Variants in C6 observed in about 807,000 individuals in gnomAD.
C6 encodes complement component C6.
A neutral mutation model predicts 112.9 loss-of-function variants in C6; 101 were observed. The ratio of observed to expected loss-of-function variants is 0.89; its 90% CI spans 0.76 to 1.06. C6 has a LOEUF of 1.06. Among genes scored for constraint, C6 ranks in the 50% least tolerant of loss-of-function variants. The probability of loss-of-function intolerance (pLI) is 0.00; values close to 1 mark genes in which losing one functional copy is unlikely to be tolerated. For synonymous variants in C6, 431 were observed against 384.1 expected, an observed-to-expected ratio of 1.12 and a Z score of -1.43; for missense variants, 1,202 against 1,104.6, an observed-to-expected ratio of 1.09 and a Z score of -1.25.
At chr5:41,205,941 G>A (rs946277875) in intron 1 of C6, among the ~76,000 whole-genome samples, 1 of 152,172 alleles carries the variant, frequency 6.6e-6, no homozygotes, top group Non-Finnish European at 1.5e-5. Context: ...CCTGACCCCC[G>A]AGTAGCCTAA....
intron 9 of C6, among the ~76,000 whole-genome samples, chr5:41,167,287 C>T (rs1044965580): frequency 6.6e-6 from 1 of 151,990 alleles, no homozygotes; most frequent in African/African-American, 2.4e-5. Flanking sequence ...TTCTTGAGTC[C>T]TTAATGCTTG....
chr5:41,244,636 C>A (rs1028465290), intron 1 of C6, among the ~76,000 whole-genome samples: 1 of 152,174 alleles, frequency 6.6e-6, no homozygotes, highest in African/African-American at 2.4e-5. Flanking sequence ...AACTGTCAAC[C>A]ACTGTCCCCC....
At chr5:41,174,675 T>G (rs1748696265) in intron 8 of C6, among the ~76,000 whole-genome samples, 1 of 152,242 alleles carries the variant, frequency 6.6e-6, no homozygotes, top group South Asian at 2.1e-4. Flanking sequence ...GGCAATTTAA[T>G]TTTGTTTTCT....
In C6 at chr5:41,172,532, C is replaced by T. The variant is rs188830748; in HGVS notation, c.1169-185G>A. ...CTATAGATTCAATCCTGCATGGGCC[C>T]AGAGATGATCCTGAACAGGAGTCCC... On this transcript the variant is annotated intron_variant, in intron 8 of 17. Transcript: ENST00000337836. 4.2e-5 allele frequency: 27 copies of T among 645,808 alleles called. No homozygotes were observed. The African/African-American group carries it at 4.7e-4, about 11-fold the overall frequency. 40.0% of individuals were successfully genotyped at this position (645,808 alleles called of 1,614,324 possible).
chr5:41,151,080 A>G (rs1293552571), intron 15 of C6, among the ~76,000 whole-genome samples: 1 of 152,128 alleles, frequency 6.6e-6, no homozygotes, highest in Non-Finnish European at 1.5e-5. Flanking sequence ...AGTCTCTGAT[A>G]GGTTTTAAGC....
intron 1 of C6, among the ~76,000 whole-genome samples, chr5:41,223,240 GA>G (rs1739288328): frequency 6.6e-6 from 1 of 152,104 alleles, no homozygotes; most frequent in Non-Finnish European, 1.5e-5. Flanking sequence ...AGGAAACAAA[GA>G]AAGCACCAGA....
At chr5:41,196,305 A>C (rs1750614199) in intron 4 of C6, among the ~76,000 whole-genome samples, 1 of 151,754 alleles carries the variant, frequency 6.6e-6, no homozygotes, top group Admixed American at 6.6e-5. Flanking sequence ...TTATTTAAAA[A>C]CCTGTAACTT....
At chr5:41,240,129 T>C (rs1740605723) in intron 1 of C6, among the ~76,000 whole-genome samples, 1 of 152,202 alleles carries the variant, frequency 6.6e-6, no homozygotes, top group Non-Finnish European at 1.5e-5. Flanking sequence ...CTTGCTAGGC[T>C]TGAAAAGGTT....
chr5:41,164,165 TA>T (rs148188417), intron 9 of C6, among the ~76,000 whole-genome samples: 6,923 of 151,920 alleles, frequency 0.046, 167 homozygotes, highest in Middle Eastern at 0.071. Flanking sequence ...GAAAGGAAAT[TA>T]AAAAGACCAA....
At chr5:41,206,991 C>T (rs1255562669) in intron 1 of C6, among the ~76,000 whole-genome samples, 1 of 152,088 alleles carries the variant, frequency 6.6e-6, no homozygotes, top group Non-Finnish European at 1.5e-5. Flanking sequence ...GTCGGGTTAC[C>T]CACAAAGGGA....
At chr5:41,177,554 G>T (rs964862172) in intron 7 of C6, among the ~76,000 whole-genome samples, 1 of 152,046 alleles carries the variant, frequency 6.6e-6, no homozygotes, top group African/African-American at 2.4e-5. Flanking sequence ...TGTAGTAATA[G>T]TAACAGAGTA....
At chr5:41,222,470 C>G (rs1404494358) in intron 1 of C6, among the ~76,000 whole-genome samples, 2 of 151,618 alleles carry the variant, frequency 1.3e-5, no homozygotes, top group Non-Finnish European at 2.9e-5. Context: ...GTATCTATAA[C>G]ATATAAACAA....
intron 6 of C6, among the ~76,000 whole-genome samples, chr5:41,183,589 TAAAAC>T (rs1474016143): frequency 1.3e-5 from 2 of 152,124 alleles, no homozygotes; most frequent in Non-Finnish European, 2.9e-5. Flanking sequence ...TCAAAGAACT[TAAAAC>T]AGAACCACCA....
rs142971222 is a variant in C6 at position 41,221,904 on chromosome 5, C to T, written c.-20-18654G>A. ...TCACTGGCCAGCGTGGTGGCTCACA[C>T]CTGTAATCCCAGCACTTTGGGAGGC... On this transcript the variant is annotated intron_variant, in intron 1 of 17. Coordinates refer to the C6 transcript ENST00000263413. 2.3e-3 allele frequency among the ~76,000 whole-genome samples: 353 copies of T among 152,236 alleles called. 4 individuals carry two copies. Among genetic ancestry groups the T allele is most frequent in the East Asian group, 0.021 (108 of 5,180 alleles).
chr5:41,246,874 T>G (rs1270379712), intron 1 of C6, among the ~76,000 whole-genome samples: 1 of 152,162 alleles, frequency 6.6e-6, no homozygotes, highest in Non-Finnish European at 1.5e-5. Flanking sequence ...CTTTACCTTC[T>G]GGGGAGTAAT....
intron 9 of C6, among the ~76,000 whole-genome samples, chr5:41,169,238 C>T (rs1329956806): frequency 1.3e-5 from 2 of 152,084 alleles, no homozygotes; most frequent in African/African-American, 4.8e-5. Context: ...CTCCCTGTGA[C>T]TCTAGGATAC....
At position 41,160,368 on chromosome 5, in the gene C6, C is replaced by T; in HGVS notation, c.1459-1G>A. 1 of 1,612,696 alleles carries T rather than the reference C, an allele frequency of 6.2e-7. No individual in the cohort carries two copies. Among genetic ancestry groups the T allele is most frequent in the East Asian group, 2.2e-5 (1 of 44,832 alleles). ...TTACCAAGTCCACGATGGGGGCAAG[C>T]TAGGAGAAAATGGGAGAGAGGAGGT... On this transcript the variant is annotated splice_acceptor_variant, in intron 10 of 17. Coordinates refer to ENST00000337836, the MANE Select transcript of C6 (RefSeq NM_000065.5). LOFTEE classifies it high-confidence loss of function.
At chr5:41,214,697 A>G (rs1047705038), upstream of C6, among the ~76,000 whole-genome samples, 2 of 152,174 alleles carry the variant, frequency 1.3e-5, no homozygotes, top group African/African-American at 2.4e-5. Flanking sequence ...TTTAATTTGC[A>G]TATTTCTTTC....
At chr5:41,191,161 G>C (rs1322486378) in intron 5 of C6, among the ~76,000 whole-genome samples, 1 of 138,692 alleles carries the variant, frequency 7.2e-6, no homozygotes, top group African/African-American at 2.7e-5. Flanking sequence ...CCACCTCCCG[G>C]GTTCAAGCGA....
Sources: allele counts gnomAD v4.1 joint callset (sites outside exome capture counted in the v4.1 genomes callset), GRCh38; gene constraint gnomAD v4.1.1; transcripts MANE v1.5; gene names NCBI Gene and HGNC (gene_info 2026-07-23, HGNC 2026-07-21).